Variants in WDR47 observed in about 807,000 individuals in gnomAD.
WDR47 encodes the protein WD repeat domain 47.
Under a neutral mutation model 97.2 loss-of-function variants are expected in WDR47, and 32 were observed. The ratio of observed to expected loss-of-function variants is 0.33; its 90% confidence interval spans 0.25 to 0.44. The LOEUF is 0.44. WDR47 is among the 20% of genes least tolerant of loss of function. WDR47 has a pLI of 1.00. For synonymous variants in WDR47, 375 were observed against 373.5 expected, an observed-to-expected ratio of 1.00 and a Z score of -0.05; for missense variants, 782 against 1,102.3, an observed-to-expected ratio of 0.71 and a Z score of 4.11.
intron 5 of WDR47, among the ~76,000 whole-genome samples, chr1:109,007,520 A>C (rs1228452030): frequency 6.6e-6 from 1 of 152,216 alleles, no homozygotes; most frequent in Non-Finnish European, 1.5e-5. Context: ...GTTCCAAAGT[A>C]AATTTTTATA....
intron 2 of WDR47, among the ~76,000 whole-genome samples, chr1:109,020,603 C>A (rs541940435): frequency 3.0e-4 from 46 of 152,132 alleles, no homozygotes; most frequent in African/African-American, 1.1e-3. Context: ...TTTTATTATT[C>A]TTTGCATTTC....
chr1:108,979,313 G>T (rs536284501), intron 13 of WDR47, among the ~76,000 whole-genome samples: 1 of 152,324 alleles, frequency 6.6e-6, no homozygotes, highest in South Asian at 2.1e-4. Flanking sequence ...CATCGTCCTG[G>T]TTAAAATAAT....
At chr1:109,041,009 C>CAA (rs540629928) in intron 1 of WDR47, among the ~76,000 whole-genome samples, 30 of 127,778 alleles carry the variant, frequency 2.3e-4, no homozygotes, top group Non-Finnish European at 3.9e-4. Flanking sequence ...ACCAAGTTGC[C>CAA]AAAAAAAAAA....
intron 5 of WDR47, among the ~76,000 whole-genome samples, chr1:109,004,998 G>C (rs1362351425): frequency 6.6e-6 from 1 of 151,990 alleles, no homozygotes; most frequent in African/African-American, 2.4e-5. Context: ...CACCATGTTA[G>C]CCAGGCTGGT....
At chr1:109,014,224 GTTT>G (rs1661244560) in intron 3 of WDR47, among the ~76,000 whole-genome samples, 1 of 151,788 alleles carries the variant, frequency 6.6e-6, no homozygotes, top group African/African-American at 2.4e-5. Flanking sequence ...CTTACATCCT[GTTT>G]TTTATTAAAA....
intron 7 of WDR47, among the ~76,000 whole-genome samples, chr1:109,001,187 G>A (rs1660156879): frequency 6.6e-6 from 1 of 152,112 alleles, no homozygotes; most frequent in South Asian, 2.1e-4. Flanking sequence ...TACTCGGGAA[G>A]CTGAGGCAGG....
At chr1:109,017,745 T>C in intron 2 of WDR47, 144 bp from the exon 3 acceptor site, 2 of 664,576 alleles carry the variant, frequency 3.0e-6, no homozygotes, top group Non-Finnish European at 2.3e-6. Context: ...AATAAATTTT[T>C]CATAATTTTT....
At chr1:108,986,154 C>G (rs992844423) in intron 10 of WDR47, among the ~76,000 whole-genome samples, 10 of 151,964 alleles carry the variant, frequency 6.6e-5, no homozygotes, top group Non-Finnish European at 1.2e-4. Context: ...GGGTTCAGTA[C>G]CAGCCAAGGT....
At chr1:108,991,193 T>G (rs535172728) in intron 9 of WDR47, 61 bp downstream of exon 9, 127 of 1,518,098 alleles carry the variant, frequency 8.4e-5, no homozygotes, top group Non-Finnish European at 1.1e-4. Flanking sequence ...AATTGAAAAT[T>G]TCTTAGCAAA....
In WDR47 at chr1:109,011,366, A is replaced by G. The variant is rs775459672; in HGVS notation, c.680T>C (p.Leu227Pro). Reference sequence around the variant, plus strand: ...ATTACCACATAAGAGGTCGATGCCAAGAAGCACTTCGCTTTCTGTAATTTC... The same window carrying G: ...ATTACCACATAAGAGGTCGATGCCAGGAAGCACTTCGCTTTCTGTAATTTC... ...GEEITESEVL[L>P]GIDLLCGNGC... is the part of the protein sequence containing the mutation. Residue 227 changes from leucine to proline, a missense_variant, in exon 5 of 15, where the codon CTT (leucine) becomes CCT (proline). By Grantham distance (98) the Leu-to-Pro change is moderately conservative. Coordinates refer to ENST00000369962, the MANE Select transcript of WDR47 (RefSeq NM_001142551.2). The G allele has an allele frequency of 9.5e-5, 153 of 1,614,134 alleles. No individual in the cohort carries two copies. Among genetic ancestry groups the G allele is most frequent in the Non-Finnish European group, 1.3e-4 (152 of 1,180,058 alleles).
rs557062038 is a variant in WDR47, at chr1:108,971,146, C to T, written c.*284G>A. On this transcript the variant is annotated 3_prime_UTR_variant, in exon 15 of 15. Coordinates refer to ENST00000369962, the MANE Select transcript of WDR47 (RefSeq NM_001142551.2). ...AATACTAAACCGTAAACACATTGTC[C>T]ATCCTGACTTGGAGTGCACACCAAC... is the stretch of plus-strand genomic sequence containing the variant. 1 of 334,972 alleles carries T rather than the reference C, an allele frequency of 3.0e-6. No homozygotes were observed. The highest frequency in any genetic ancestry group is 2.1e-5 in the African/African-American group (1 of 48,206). The allele number at this position is 334,972 out of a possible 1,614,324, so 20.7% of individuals were successfully genotyped here.
chr1:108,994,230 T>C (rs1035333416), intron 8 of WDR47, among the ~76,000 whole-genome samples: 1 of 152,058 alleles, frequency 6.6e-6, no homozygotes, highest in African/African-American at 2.4e-5. Flanking sequence ...ACCCTGTCTC[T>C]ACCAAAAATA....
chr1:108,980,044 T>C (rs1277812315), intron 13 of WDR47, among the ~76,000 whole-genome samples: 1 of 152,142 alleles, frequency 6.6e-6, no homozygotes, highest in Non-Finnish European at 1.5e-5. Context: ...GTAAGGTATC[T>C]AGGTTGCGTG....
intron 5 of WDR47, among the ~76,000 whole-genome samples, chr1:109,006,209 A>G (rs1044984455): frequency 5.9e-5 from 9 of 152,128 alleles, no homozygotes; most frequent in Non-Finnish European, 1.3e-4. Flanking sequence ...AACCTGACCA[A>G]CATGGAAAAA....
At chr1:108,998,513 A>C (rs912583660) in intron 7 of WDR47, among the ~76,000 whole-genome samples, 1 of 152,132 alleles carries the variant, frequency 6.6e-6, no homozygotes, top group African/African-American at 2.4e-5. Flanking sequence ...AAAAACAAAA[A>C]AAAAATGCTA....
chr1:108,996,561 G>C (rs1239610469), intron 7 of WDR47, among the ~76,000 whole-genome samples: 1 of 152,158 alleles, frequency 6.6e-6, no homozygotes, highest in Non-Finnish European at 1.5e-5. Flanking sequence ...GTAGGAAATG[G>C]ATGACTTGAG....
intron 1 of WDR47, among the ~76,000 whole-genome samples, chr1:109,032,612 T>TGTAGACCAGGCATGGTGGC (rs1553238145): frequency 2.0e-5 from 3 of 151,630 alleles, no homozygotes; most frequent in Non-Finnish European, 4.4e-5. Context: ...AAATGTAAAA[T>TGTAGACCAGGCATGGTGGC]GTAGACCAGG....
At chr1:109,032,903 A>T (rs1286065528) in intron 1 of WDR47, among the ~76,000 whole-genome samples, 1 of 152,166 alleles carries the variant, frequency 6.6e-6, no homozygotes, top group Non-Finnish European at 1.5e-5. Flanking sequence ...TCCAAAAAAA[A>T]AAATTACAAA....
chr1:108,999,544 A>C (rs1660020503), intron 7 of WDR47, among the ~76,000 whole-genome samples: 1 of 151,890 alleles, frequency 6.6e-6, no homozygotes, highest in Non-Finnish European at 1.5e-5. Flanking sequence ...TCTCTACAAA[A>C]AATATAAAAA....
Sources: gnomAD v4.1 joint callset for allele counts (sites outside exome capture counted in the v4.1 genomes callset) on GRCh38, gnomAD v4.1.1 for gene constraint, MANE v1.5 for transcripts, NCBI Gene and HGNC (gene_info 2026-07-23, HGNC 2026-07-21) for gene names.